DDX19A: variants seen among roughly 807,000 people sequenced by gnomAD.
DDX19A encodes ATP-dependent RNA helicase DDX19A.
A neutral mutation model predicts 60.6 loss-of-function variants in DDX19A; 12 were observed. The observed-to-expected ratio is 0.20, with a 90% CI of 0.13 to 0.32. The LOEUF (loss-of-function observed/expected upper bound fraction) is 0.32, where lower values mean the gene tolerates loss of function less well. DDX19A is among the 10% of genes least tolerant of loss of function. The pLI, the probability that DDX19A is intolerant of heterozygous loss-of-function variation, is 1.00. For missense variants in DDX19A, 337 were observed against 600.6 expected (o/e 0.56, Z 4.59); for synonymous variants, 206 against 218.2 (o/e 0.94, Z 0.49).
chr16:70,350,096 G>GT (rs1404590538), intron 1 of DDX19A, among the ~76,000 whole-genome samples: 1 of 152,052 alleles, frequency 6.6e-6, no homozygotes, highest in African/African-American at 2.4e-5. Flanking sequence ...AGGAGTTCGA[G>GT]TTTGAGTTCA....
At chr16:70,353,423 A>C (rs1964087137) in intron 2 of DDX19A, among the ~76,000 whole-genome samples, 2 of 151,990 alleles carry the variant, frequency 1.3e-5, no homozygotes, top group African/African-American at 4.8e-5. Context: ...CTTTTTTTAA[A>C]ATTTTTTTTA....
chr16:70,370,595 C>T lies in DDX19A; in HGVS notation c.1183+210C>T, dbSNP rs533290250. ...GGTGCGGTGGCTCATGCCTGCAATC[C>T]CAAGGCAGGAAAATTGCTTGAACCC... On this transcript the variant is annotated intron_variant, in intron 10 of 11. Transcript: ENST00000302243. 3 of 730,830 alleles carry T rather than the reference C, an allele frequency of 4.1e-6. No individual in the cohort carries two copies. In the South Asian group the frequency reaches 1.1e-4, roughly 26 times the overall value. The allele number at this position is 730,830 out of a possible 1,614,324, so 45.3% of individuals were successfully genotyped here.
intron 2 of DDX19A, among the ~76,000 whole-genome samples, chr16:70,353,031 A>T (rs960321899): frequency 2.0e-5 from 3 of 152,140 alleles, no homozygotes; most frequent in African/African-American, 7.2e-5. Context: ...CCATGAACTT[A>T]GCTCTTTTTA....
chr16:70,372,197 G>T lies in DDX19A; in HGVS notation c.*211G>T. On this transcript the variant is annotated 3_prime_UTR_variant, in exon 12 of 12. Coordinates refer to ENST00000302243, the MANE Select transcript of DDX19A (RefSeq NM_018332.5). Reference sequence around the variant, plus strand: ...AAAAAATTTGCATTTTGGAAAATTGGGTCCTTTCCCCACTTTTTTAAAGCC... The same window carrying T: ...AAAAAATTTGCATTTTGGAAAATTGTGTCCTTTCCCCACTTTTTTAAAGCC... 1 of 714,400 alleles carries T rather than the reference G, an allele frequency of 1.4e-6. No homozygotes were observed. The highest frequency in any genetic ancestry group is 2.3e-6 in the Non-Finnish European group (1 of 432,472). 44.3% of individuals were successfully genotyped at this position (714,400 alleles called of 1,614,324 possible).
intron 1 of DDX19A, among the ~76,000 whole-genome samples, chr16:70,350,222 C>T (rs1431788523): frequency 6.6e-6 from 1 of 152,104 alleles, no homozygotes; most frequent in Non-Finnish European, 1.5e-5. Flanking sequence ...TGCTGTACTC[C>T]AGCCTAGGTG....
intron 2 of DDX19A, among the ~76,000 whole-genome samples, chr16:70,353,915 A>C (rs1964106582): frequency 6.6e-6 from 1 of 151,582 alleles, no homozygotes; most frequent in South Asian, 2.1e-4. Context: ...AAAAAAAAAA[A>C]AAACACAGGC....
At position 70,371,708 on chromosome 16, in the gene DDX19A, A is replaced by G. The variant is rs1019186407; in HGVS notation, c.1375+145A>G. 26 of 1,173,894 alleles carry G rather than the reference A, an allele frequency of 2.2e-5. No individual in the cohort carries two copies. In the Admixed American group the frequency reaches 5.6e-4, roughly 25 times the overall value. The allele number at this position is 1,173,894 out of a possible 1,614,324, so 72.7% of individuals were successfully genotyped here. A position where few individuals can be genotyped will look rare whatever the true frequency, so the allele number is the denominator to read the frequency against. On this transcript the variant is annotated intron_variant, in intron 11 of 11. Transcript: ENST00000302243. ...TCTGACCATATGGCAGTTCTCAGGG[A>G]GCACACCTGGAGACTTCAGGACCCA...
intron 1 of DDX19A, among the ~76,000 whole-genome samples, chr16:70,350,015 G>A (rs935609456): frequency 5.9e-5 from 9 of 152,186 alleles, no homozygotes; most frequent in African/African-American, 1.2e-4. Context: ...GTGACAGAAG[G>A]CTGGGTGCAG....
intron 6 of DDX19A, 100 bp from the exon 7 acceptor site, chr16:70,364,917 C>G: frequency 1.1e-6 from 1 of 903,196 alleles, no homozygotes. Context: ...GACATGCTTC[C>G]CTGTGCTATT....
At chr16:70,361,944 G>A (rs1964373572) in intron 5 of DDX19A, among the ~76,000 whole-genome samples, 2 of 152,038 alleles carry the variant, frequency 1.3e-5, no homozygotes, top group African/African-American at 4.8e-5. Context: ...GCCAAGGTGG[G>A]CGGATTGCCT....
In DDX19A at chr16:70,370,288, G is replaced by A; in HGVS notation, c.1086G>A (p.Leu362=). 1.2e-6 allele frequency: 2 copies of A among 1,614,190 alleles called. No homozygotes were observed. The highest frequency in any genetic ancestry group is 8.5e-7 in the Non-Finnish European group (1 of 1,180,032). The change falls in exon 10 of 12, where the codon CTG becomes CTA. Residue 362 remains leucine, a synonymous_variant. Transcript: ENST00000302243. ...AAGAAGGCCACCAGGTGGCTCTGCT[G>A]AGTGGGGAGATGATGGTGGAGCAGA... The part of the protein sequence containing the change: ...LSKEGHQVAL[L]SGEMMVEQRA...
At chr16:70,348,819 C>T (rs1420029642) in intron 1 of DDX19A, among the ~76,000 whole-genome samples, 2 of 151,754 alleles carry the variant, frequency 1.3e-5, no homozygotes, top group Non-Finnish European at 2.9e-5. Flanking sequence ...GTGGTACACT[C>T]CTGTAGTCCC....
At chr16:70,366,016 G>A (rs576812276) in intron 7 of DDX19A, 69 bp from the exon 8 acceptor site, 6 of 1,609,338 alleles carry the variant, frequency 3.7e-6, no homozygotes, top group Non-Finnish European at 5.1e-6. Context: ...AGAAGGATGG[G>A]CAGGGCTTTG....
chr16:70,361,644 C>A (rs1036449346), intron 5 of DDX19A, 134 bp downstream of exon 5: 3 of 636,380 alleles, frequency 4.7e-6, no homozygotes, highest in South Asian at 2.0e-5. Context: ...TAGGCAAGTG[C>A]AGAGAGAATC....
chr16:70,366,951 T>A lies in DDX19A; in HGVS notation c.1020+90T>A, dbSNP rs58055772. On this transcript the variant is annotated intron_variant, in intron 9 of 11. Transcript: ENST00000302243. ...GAGGACTGGATGCCCCTGAGCGCCA[T>A]GGAAAGAAGGGAAGTGCTTTTTGAA... The A allele has an allele frequency of 0.013, 19,818 of 1,477,958 alleles. 2,317 individuals are homozygous for A. The African/African-American group carries it at 0.25, about 18-fold the overall frequency. The allele number at this position is 1,477,958 out of a possible 1,614,324, so 91.6% of individuals were successfully genotyped here.
intron 4 of DDX19A, among the ~76,000 whole-genome samples, chr16:70,358,428 CA>C (rs1407454214): frequency 1.3e-5 from 2 of 151,588 alleles, no homozygotes; most frequent in Non-Finnish European, 2.9e-5. Flanking sequence ...CCTCAGCCTC[CA>C]AAATTGCTAG....
chr16:70,350,456 A>C (rs767918866), intron 1 of DDX19A, 101 bp from the exon 2 acceptor site: 2 of 779,840 alleles, frequency 2.6e-6, no homozygotes, highest in Non-Finnish European at 2.0e-6. Context: ...CTGGTGCTGA[A>C]AGTTTCACAC....
At chr16:70,370,180 A>G (rs780941777) in intron 9 of DDX19A, 43 bp from the exon 10 acceptor site, 10 of 1,587,972 alleles carry the variant, frequency 6.3e-6, no homozygotes, top group African/African-American at 5.5e-5. Flanking sequence ...GAAAAAATAT[A>G]TACTCAAATA....
chr16:70,346,928 AG>A lies in DDX19A; in HGVS notation c.-61del, dbSNP rs758014660. 17 of 1,473,846 alleles carry A rather than the reference AG, an allele frequency of 1.2e-5. No individual in the cohort carries two copies. Among genetic ancestry groups the A allele is most frequent in the Admixed American group, 1.9e-5 (1 of 53,598 alleles). 91.3% of individuals were successfully genotyped at this position (1,473,846 alleles called of 1,614,324 possible). A position where few individuals can be genotyped will look rare whatever the true frequency, so the allele number is the denominator to read the frequency against. ...GCATTCTCGCGCCGGTGGCGAGGTT[AG>A]GGCCCGCGTTGCGACGTGGTGCAGC... is the stretch of plus-strand genomic sequence containing the variant. On this transcript the variant is annotated 5_prime_UTR_variant, in exon 1 of 12. Coordinates refer to ENST00000302243, the MANE Select transcript of DDX19A (RefSeq NM_018332.5).
Sources: allele counts gnomAD v4.1 joint callset (sites outside exome capture counted in the v4.1 genomes callset), GRCh38; gene constraint gnomAD v4.1.1; transcripts MANE v1.5; gene names NCBI Gene and HGNC (gene_info 2026-07-23, HGNC 2026-07-21).